The following MUC12 variants were observed in gnomAD, a reference collection of about 807,000 sequenced individuals.
MUC12 encodes the protein mucin-12.
Under a neutral mutation model 230.8 loss-of-function variants are expected in MUC12, and 172 were observed. The ratio of observed to expected loss-of-function variants is 0.75; its 90% confidence interval spans 0.66 to 0.85. MUC12 has a LOEUF of 0.85. Among genes scored for constraint, MUC12 ranks in the 40% least tolerant of loss-of-function variants. The pLI is 0.00. For synonymous variants in MUC12, 1,259 were observed against 2,401.9 expected (o/e 0.52, Z 13.91); for missense variants, 3,506 against 5,920.6 (o/e 0.59, Z 13.38).
chr7:100,979,829 T>C (rs530449901), intron 1 of MUC12, among the ~76,000 whole-genome samples: 2 of 151,892 alleles, frequency 1.3e-5, no homozygotes, highest in African/African-American at 4.8e-5. Context: ...CATATATACA[T>C]GTACACACAT....
rs1029139711 is a variant in MUC12, at chr7:100,983,426, A to G, written c.68-7205A>G. Among the ~76,000 whole-genome samples the G allele has an allele frequency of 1.8e-4, 27 of 152,104 alleles. 1 individual carries two copies. The highest frequency in any genetic ancestry group is 1.2e-3 in the Admixed American group (18 of 15,264). ...CAGAGCGAGACTCCGTTAAAAAAAA[A>G]AAAAAAAGAAATAGCCATGTCCACC... On this transcript the variant is annotated intron_variant, in intron 1 of 11. Coordinates refer to ENST00000536621, the MANE Select transcript of MUC12 (RefSeq NM_001164462.2).
Position 101,004,845 on chromosome 7 carries a change from G to C in MUC12, c.14282G>C (p.Ser4761Thr), listed in dbSNP as rs1047427487. The part of the protein sequence containing the change: ...TLSPASMTSS[S>T]ISGEPTSLYS... ...TCACCTGCCAGCATGACAAGCTCCAGCATCAGTGGAGAACCCACCAGCTTG... is the reference window on the plus strand; with the variant it reads ...TCACCTGCCAGCATGACAAGCTCCACCATCAGTGGAGAACCCACCAGCTTG... The change falls in exon 2 of 12, where the codon AGC becomes ACC. Residue 4761 changes from serine (S) to threonine (T), a missense_variant. Transcript: ENST00000536621. 3 of 1,536,998 alleles carry C rather than the reference G, an allele frequency of 2.0e-6. No homozygotes were observed. In the African/African-American group the frequency reaches 4.1e-5, roughly 21 times the overall value.
rs1426193458 is a variant in MUC12, at chr7:100,991,585, C to A, written c.1022C>A (p.Ala341Glu). 1.3e-6 allele frequency: 2 copies of A among 1,536,658 alleles called. No individual in the cohort carries two copies. The highest frequency in any genetic ancestry group is 1.7e-6 in the Non-Finnish European group (2 of 1,146,374). ...GTCCACAGCAGCCCAGTTGCAACTGCAACAACACCCCCACCTGCCCGCTCC... is the reference window on the plus strand; with the variant it reads ...GTCCACAGCAGCCCAGTTGCAACTGAAACAACACCCCCACCTGCCCGCTCC... ...TPVHSSPVAT[A>E]TTPPPARSAT... Residue 341 changes from alanine to glutamate, a missense_variant, in exon 2 of 12, where the codon GCA becomes GAA. By Grantham distance (107) the Ala-to-Glu change is moderately radical (BLOSUM62 -1). Coordinates refer to ENST00000536621, the MANE Select transcript of MUC12 (RefSeq NM_001164462.2).
chr7:101,009,838 C>T (rs1245838717), intron 5 of MUC12, among the ~76,000 whole-genome samples: 4 of 152,006 alleles, frequency 2.6e-5, no homozygotes, highest in Admixed American at 6.5e-5. Context: ...ACGCTCAGAA[C>T]GGCTGGGTGC....
rs952703974 is a variant in MUC12 at position 101,006,544 on chromosome 7, C to T, written c.15030C>T (p.Cys5010=). Reference sequence around the variant, plus strand: ...CCCAAGGCTACGTTGGTTACCAGTGCTTGTCCCCTCTGGAATCCTTCCCTG... The same window carrying T: ...CCCAAGGCTACGTTGGTTACCAGTGTTTGTCCCCTCTGGAATCCTTCCCTG... ...VCPQGYVGYQ[C]LSPLESFPVE... Residue 5010 remains cysteine (C), a synonymous_variant, in exon 3 of 12, where the codon TGC becomes TGT. Transcript: ENST00000536621. 41 of 1,536,978 alleles carry T rather than the reference C, an allele frequency of 2.7e-5. No individual in the cohort carries two copies. Among genetic ancestry groups the T allele is most frequent in the Non-Finnish European group, 1.4e-5 (16 of 1,146,782 alleles).
chr7:100,969,780 CTCCT>C (rs1792812495), intron 1 of MUC12, 91 bp downstream of exon 1: 1 of 18,298 alleles, frequency 5.5e-5, no homozygotes, highest in African/African-American at 3.0e-3. Flanking sequence ...TGCAGGTGGC[CTCCT>C]CCCCTTTGCA....
At chr7:101,006,369 T>C (rs1793750709) in intron 2 of MUC12, 102 bp from the exon 3 acceptor site, 1 of 766,946 alleles carries the variant, frequency 1.3e-6, no homozygotes, top group Non-Finnish European at 2.2e-6. Context: ...GGCATCGTCC[T>C]GCTCTCCAGT....
At chr7:100,987,170 G>A (rs1350555722) in intron 1 of MUC12, among the ~76,000 whole-genome samples, 3 of 147,004 alleles carry the variant, frequency 2.0e-5, no homozygotes, top group Non-Finnish European at 3.0e-5. Flanking sequence ...TGGTTCAAGC[G>A]ACTCTCCTGT....
chr7:100,982,497 C>T (rs1296531367), intron 1 of MUC12, among the ~76,000 whole-genome samples: 1 of 150,730 alleles, frequency 6.6e-6, no homozygotes, highest in East Asian at 1.9e-4. Context: ...AGTGCAGCGG[C>T]CTAATCATAG....
intron 1 of MUC12, among the ~76,000 whole-genome samples, chr7:100,971,598 G>A (rs945623672): frequency 6.6e-6 from 1 of 152,312 alleles, no homozygotes; most frequent in Admixed American, 6.5e-5. Flanking sequence ...GGTACAGGCA[G>A]GGAGGAGCTG....
In MUC12 at chr7:100,993,102, G is replaced by A. The variant is rs200317318; in HGVS notation, c.2539G>A (p.Val847Ile). The A allele has an allele frequency of 0.044, 62,975 of 1,442,190 alleles. 4 individuals are homozygous for A. Among genetic ancestry groups the A allele is most frequent in the Middle Eastern group, 0.061 (341 of 5,634 alleles). The allele number at this position is 1,442,190 out of a possible 1,614,324, so 89.3% of individuals were successfully genotyped here. A position where few individuals can be genotyped will look rare whatever the true frequency, so the allele number is the denominator to read the frequency against. The change falls in exon 2 of 12, where the codon GTC becomes ATC. Residue 847 changes from valine to isoleucine, a missense_variant. Val to Ile is a conservative substitution (Grantham distance 29). Transcript: ENST00000536621. ...LSPASTTSSGVSEESTTSRSR... is the reference protein window; with the variant it reads ...LSPASTTSSGISEESTTSRSR... ...ACCTGCCAGCACGACAAGCTCAGGC[G>A]TCAGTGAAGAATCCACCACCTCCCG... is the stretch of plus-strand genomic sequence containing the variant.
In MUC12 at chr7:101,018,493, C is replaced by A. The variant is rs1793993119; in HGVS notation, c.15967-102C>A. The A allele has an allele frequency of 2.7e-6, 3 of 1,091,744 alleles. No homozygotes were observed. The Admixed American group carries it at 6.1e-5, about 22-fold the overall frequency. 67.6% of individuals were successfully genotyped at this position (1,091,744 alleles called of 1,614,324 possible). A position where few individuals can be genotyped will look rare whatever the true frequency, so the allele number is the denominator to read the frequency against. On this transcript the variant is annotated intron_variant, in intron 11 of 11. Coordinates refer to ENST00000536621, the MANE Select transcript of MUC12 (RefSeq NM_001164462.2). The stretch of plus-strand genomic sequence containing the variant: ...CCTCCCCCTGGGACTCCCTCCCTCC[C>A]CCTGGGGTTCCCTCCTCCCCGCCAG...
chr7:101,015,763 G>A, intron 10 of MUC12, 72 bp downstream of exon 10: 1 of 1,375,906 alleles, frequency 7.3e-7, no homozygotes, highest in Non-Finnish European at 1.0e-6. Context: ...GCCTGTGCCT[G>A]TGGGGGTGAC....
rs907690064 is a variant in MUC12, at chr7:100,991,110, A to G, written c.547A>G (p.Ser183Gly). 6.5e-7 allele frequency: 1 copy of G among 1,537,626 alleles called. No individual in the cohort carries two copies. Among genetic ancestry groups the G allele is most frequent in the Non-Finnish European group, 8.7e-7 (1 of 1,146,856 alleles). Residue 183 changes from serine (S) to glycine (G), a missense_variant, in exon 2 of 12, where the codon AGT becomes GGT. Transcript: ENST00000536621. ...GPTHTIAFPDSTTMPGVSQES... is the reference protein window; with the variant it reads ...GPTHTIAFPDGTTMPGVSQES... ...AACGCACACAATAGCGTTCCCTGAC[A>G]GTACCACCATGCCAGGCGTCAGTCA... is the stretch of plus-strand genomic sequence containing the variant.
rs1475226054 is a variant in MUC12, at chr7:101,014,029, T to C, written c.15755T>C (p.Ile5252Thr). ...AVMAVLLLALIILIILFSLSQ... is the reference protein window; with the variant it reads ...AVMAVLLLALTILIILFSLSQ... ...ATGGCGGTGCTGCTGCTCGCATTGA[T>C]CATCCTAATCATCTTATTCAGCCTA... The change falls in exon 9 of 12, where the codon ATC becomes ACC. Residue 5252 changes from isoleucine (I) to threonine (T), a missense_variant. Transcript: ENST00000536621. 1 of 1,536,786 alleles carries C rather than the reference T, an allele frequency of 6.5e-7. No homozygotes were observed. Among genetic ancestry groups the C allele is most frequent in the Admixed American group, 2.0e-5 (1 of 50,946 alleles).
At chr7:100,983,560 C>T (rs1307339038) in intron 1 of MUC12, among the ~76,000 whole-genome samples, 2 of 152,168 alleles carry the variant, frequency 1.3e-5, no homozygotes, top group African/African-American at 4.8e-5. Flanking sequence ...TCTAATTAAG[C>T]CTCTACAGGG....
chr7:100,995,590 C>G lies in MUC12; in HGVS notation c.5027C>G (p.Pro1676Arg). 6.5e-7 allele frequency: 1 copy of G among 1,536,970 alleles called. No individual in the cohort carries two copies. The highest frequency in any genetic ancestry group is 8.7e-7 in the Non-Finnish European group (1 of 1,147,034). Residue 1676 changes from proline to arginine, a missense_variant, in exon 2 of 12, where the codon CCT (proline) becomes CGT (arginine). Coordinates refer to ENST00000536621, the MANE Select transcript of MUC12 (RefSeq NM_001164462.2). ...STGSPHTTLS[P>R]AGSTTRQGES... Reference sequence around the variant, plus strand: ...GGATCGCCACACACAACACTGTCCCCTGCCGGCTCTACAACACGTCAGGGA... The same window carrying G: ...GGATCGCCACACACAACACTGTCCCGTGCCGGCTCTACAACACGTCAGGGA...
rs1295876076 is a variant in MUC12, at chr7:100,990,957, G to A, written c.394G>A (p.Gly132Ser). The A allele has an allele frequency of 1.3e-6, 2 of 1,537,780 alleles. No homozygotes were observed. The highest frequency in any genetic ancestry group is 1.7e-6 in the Non-Finnish European group (2 of 1,147,040). The change falls in exon 2 of 12, where the codon GGC becomes AGC. Residue 132 changes from glycine to serine, a missense_variant. By Grantham distance (56) the Gly-to-Ser change is moderately conservative (BLOSUM62 0). Transcript: ENST00000536621. ...TALPGSTTTA[G>S]LSEKSTTFYS... ...GTTACCTGGCAGTACCACAACAGCA[G>A]GCCTGAGTGAGAAATCTACCACCTT...
At chr7:101,006,111 C>T (rs1281244711) in intron 2 of MUC12, among the ~76,000 whole-genome samples, 1 of 152,088 alleles carries the variant, frequency 6.6e-6, no homozygotes, top group Non-Finnish European at 1.5e-5. Flanking sequence ...TTCTGTCTGT[C>T]ATCATGAGAA....
Sources: allele counts gnomAD v4.1 joint callset (sites outside exome capture counted in the v4.1 genomes callset), GRCh38; gene constraint gnomAD v4.1.1; transcripts MANE v1.5; gene names NCBI Gene and HGNC (gene_info 2026-07-23, HGNC 2026-07-21).